Variants in NCOR2 observed in about 807,000 individuals in gnomAD.
NCOR2 encodes nuclear receptor corepressor 2, also known as CTG repeat protein 26.
A neutral mutation model predicts 262.9 loss-of-function variants in NCOR2; 81 were observed. The observed-to-expected ratio is 0.31, with a 90% CI of 0.26 to 0.37. The LOEUF is 0.37. NCOR2 is among the 10% of genes least tolerant of loss of function. The probability of loss-of-function intolerance (pLI) is 1.00; values close to 1 mark genes in which losing one functional copy is unlikely to be tolerated. For synonymous variants in NCOR2, 1,659 were observed against 1,559.3 expected (o/e 1.06, Z -1.51); for missense variants, 3,385 against 3,621.4 (o/e 0.93, Z 1.68).
chr12:124,356,969 T>C (rs1593191117), intron 22 of NCOR2, 187 bp from the exon 25 acceptor site: 1 of 650,878 alleles, frequency 1.5e-6, no homozygotes, highest in Non-Finnish European at 2.3e-6. Context: ...CCCATGGTAT[T>C]CTGCTCAGCA....
chr12:124,330,991 A>G (rs2135740279), intron 43 of NCOR2, 93 bp from the exon 46 acceptor site: 5 of 1,337,330 alleles, frequency 3.7e-6, no homozygotes, highest in Admixed American at 2.0e-5. Flanking sequence ...GTGTGCTGGC[A>G]TCACCTGGGG....
At chr12:124,400,370 G>A in intron 15 of NCOR2, 131 bp downstream of exon 17, 1 of 1,269,510 alleles carries the variant, frequency 7.9e-7, no homozygotes, top group Non-Finnish European at 1.1e-6. Flanking sequence ...GCTGGGATTT[G>A]ACTCCAACCA....
chr12:124,413,566 C>T (rs1204947775), intron 13 of NCOR2, among the ~76,000 whole-genome samples: 1 of 152,168 alleles, frequency 6.6e-6, no homozygotes, highest in Admixed American at 6.5e-5. Context: ...CCACTCGTGC[C>T]TGTCTTCAGC....
chr12:124,486,020 T>A (rs1427188379), intron 2 of NCOR2, among the ~76,000 whole-genome samples: 1 of 132,506 alleles, frequency 7.5e-6, no homozygotes, highest in Non-Finnish European at 1.6e-5. Flanking sequence ...CCTTCCCACC[T>A]GGATCAAGGA....
rs61751356 is a variant in NCOR2, at chr12:124,422,559, C to A, written c.1329-4G>T. On this transcript the variant is annotated splice_polypyrimidine_tract_variant and splice_region_variant and intron_variant, in intron 11 of 46. Coordinates refer to ENST00000405201, the Ensembl canonical transcript of NCOR2. ...GTTCTTGGGATGCTGCATGAACCTG[C>A]GGGACGAGAAGGGTGGGCGTGAGAC... The A allele has an allele frequency of 1.2e-6, 2 of 1,613,858 alleles. No individual in the cohort carries two copies. The highest frequency in any genetic ancestry group is 1.7e-6 in the Non-Finnish European group (2 of 1,179,962).
At chr12:124,466,221 G>T in exon 5 of NCOR2, 2 of 1,610,550 alleles carry the variant, frequency 1.2e-6, no homozygotes, top group Non-Finnish European at 8.5e-7. Context: ...GCTTCGACTC[G>T]ATGGGCGGCG....
Position 124,335,187 on chromosome 12 carries a change from G to A in NCOR2, c.6359C>T (p.Ala2120Val), listed in dbSNP as rs1025293350. Residue 2120 changes from alanine (A) to valine (V), a missense_variant, in exon 40 of 47, where the codon GCC becomes GTC. Physicochemically the swap from Ala to Val is moderately conservative, Grantham distance 64. Around this residue, in one of 5 missense-constraint regions of NCOR2, gnomAD observed 1,017 missense variants for 967.2 expected, o/e 1.05. Coordinates refer to ENST00000405201, the Ensembl canonical transcript of NCOR2. ...CCGCTGGTGACCTTTGACCCCTGGG[G>A]CGGTCTGGAGCAGCGGGCTGGACGA... 2.5e-6 allele frequency: 4 copies of A among 1,611,546 alleles called. No individual in the cohort carries two copies. The Admixed American group carries it at 6.7e-5, about 27-fold the overall frequency.
chr12:124,370,294 G>A (rs2039394455), intron 20 of NCOR2, among the ~76,000 whole-genome samples: 1 of 152,246 alleles, frequency 6.6e-6, no homozygotes, highest in Non-Finnish European at 1.5e-5. Context: ...ACACGCATGG[G>A]CGCGGTTCCT....
At chr12:124,526,443 C>G (rs960507243) in intron 1 of NCOR2, among the ~76,000 whole-genome samples, 1 of 152,204 alleles carries the variant, frequency 6.6e-6, no homozygotes, top group African/African-American at 2.4e-5. Flanking sequence ...AGGGTTCAGG[C>G]CCCACTGCCT....
chr12:124,401,119 G>A (rs900951884), intron 14 of NCOR2, among the ~76,000 whole-genome samples: 4 of 152,074 alleles, frequency 2.6e-5, no homozygotes, highest in African/African-American at 4.8e-5. Flanking sequence ...GCTAAGGTAG[G>A]GGGATCTCTT....
At chr12:124,511,286 C>T (rs2049379114) in intron 1 of NCOR2, among the ~76,000 whole-genome samples, 1 of 152,240 alleles carries the variant, frequency 6.6e-6, no homozygotes. Flanking sequence ...CTCCAGGTCT[C>T]CAAGTGGCCG....
rs747410248 is a variant in NCOR2 at position 124,385,901 on chromosome 12, G to C, written c.1877-14C>G. ...GTTCCAGGAGACCTGTCTCAGGAGA[G>C]GAGGGCAGTGAGAAGAGGCCAGGCC... On this transcript the variant is annotated splice_polypyrimidine_tract_variant and intron_variant, in intron 16 of 46. Transcript: ENST00000405201. The C allele has an allele frequency of 4.3e-6, 7 of 1,611,928 alleles. No individual in the cohort carries two copies. Among genetic ancestry groups the C allele is most frequent in the Non-Finnish European group, 5.9e-6 (7 of 1,179,322 alleles).
At chr12:124,382,809 C>T (rs951119660) in intron 17 of NCOR2, among the ~76,000 whole-genome samples, 1 of 152,250 alleles carries the variant, frequency 6.6e-6, no homozygotes, top group African/African-American at 2.4e-5. Flanking sequence ...GAGGGCTGAC[C>T]AAGGACCAGG....
At chr12:124,402,318 C>T (rs1248622570) in intron 14 of NCOR2, 86 bp downstream of exon 16, 12 of 1,573,326 alleles carry the variant, frequency 7.6e-6, no homozygotes, top group South Asian at 5.9e-5. Flanking sequence ...GCACCCCACC[C>T]GTCTCTACAA....
intron 11 of NCOR2, 113 bp downstream of exon 13, chr12:124,426,509 G>T: frequency 9.2e-7 from 1 of 1,090,518 alleles, no homozygotes; most frequent in Non-Finnish European, 1.3e-6. Context: ...AATCCCTGCG[G>T]TTTTAAGCAC....
At chr12:124,433,799 A>G (rs77144223) in intron 8 of NCOR2, among the ~76,000 whole-genome samples, 2,039 of 149,242 alleles carry the variant, frequency 0.014, 17 homozygotes, top group East Asian at 0.042. Context: ...TGGCCAGGGG[A>G]GGAAACAGAT....
chr12:124,451,353 C>T (rs1261561023), intron 6 of NCOR2, among the ~76,000 whole-genome samples: 2 of 152,206 alleles, frequency 1.3e-5, no homozygotes, highest in East Asian at 3.8e-4. Flanking sequence ...TGTGGGGCTG[C>T]TTTGTTCCCC....
chr12:124,376,013 G>A lies in NCOR2; in HGVS notation c.2168-1550C>T, dbSNP rs1019939328. ...ACAAGAGACAGGTCACGCAGCGTGC[G>A]CTGGCTGGGCCGGCAGACCCCGAGC... On this transcript the variant is annotated intron_variant, in intron 18 of 46. Transcript: ENST00000405201. 7.9e-5 allele frequency among the ~76,000 whole-genome samples: 12 copies of A among 152,282 alleles called. No individual in the cohort carries two copies. In the South Asian group the frequency reaches 1.7e-3, roughly 21 times the overall value.
chr12:124,526,626 G>A (rs1415142281), intron 1 of NCOR2, among the ~76,000 whole-genome samples: 2 of 152,132 alleles, frequency 1.3e-5, no homozygotes, highest in Non-Finnish European at 2.9e-5. Flanking sequence ...GAGAAACCAC[G>A]AGGTGGGGCA....
Sources: allele counts gnomAD v4.1 joint callset (sites outside exome capture counted in the v4.1 genomes callset), GRCh38; gene constraint gnomAD v4.1.1; regional missense constraint gnomAD v4.1.1; transcripts MANE v1.5; gene names NCBI Gene and HGNC (gene_info 2026-07-23, HGNC 2026-07-21).